FBXL17: variants seen among roughly 807,000 people sequenced by gnomAD.
FBXL17 encodes F-box and leucine rich repeat protein 17.
Under a neutral mutation model 66.2 loss-of-function variants are expected in FBXL17, and 22 were observed. The ratio of observed to expected loss-of-function variants is 0.33; its 90% CI spans 0.24 to 0.47. The LOEUF (loss-of-function observed/expected upper bound fraction) is 0.47, where lower values mean the gene tolerates loss of function less well. Among genes scored for constraint, FBXL17 ranks in the 20% least tolerant of loss-of-function variants. FBXL17 has a pLI of 1.00. For synonymous variants in FBXL17, 474 were observed against 400.5 expected, an observed-to-expected ratio of 1.18 and a Z score of -2.19; for missense variants, 878 against 948.2, an observed-to-expected ratio of 0.93 and a Z score of 0.97.
At chr5:108,089,845 T>C (rs986128979) in intron 6 of FBXL17, among the ~76,000 whole-genome samples, 2 of 152,198 alleles carry the variant, frequency 1.3e-5, no homozygotes, top group African/African-American at 4.8e-5. Context: ...TGTTTTGTAT[T>C]GAGACAGGGT....
chr5:108,113,817 T>G (rs187771235), intron 6 of FBXL17, among the ~76,000 whole-genome samples: 1 of 152,292 alleles, frequency 6.6e-6, no homozygotes, highest in East Asian at 1.9e-4. Context: ...TAATCTGACA[T>G]AATCCCTAAA....
At chr5:108,009,642 T>A (rs1199769080) in intron 7 of FBXL17, among the ~76,000 whole-genome samples, 1 of 152,072 alleles carries the variant, frequency 6.6e-6, no homozygotes, top group Non-Finnish European at 1.5e-5. Context: ...TCTAGGTGAC[T>A]GAGTCTTTAC....
chr5:108,268,266 G>C (rs1757124114), intron 4 of FBXL17, among the ~76,000 whole-genome samples: 1 of 152,000 alleles, frequency 6.6e-6, no homozygotes, highest in African/African-American at 2.4e-5. Context: ...ACAAGAGGTA[G>C]GTAGGGATGT....
chr5:107,965,845 T>C (rs1323842644), intron 7 of FBXL17, among the ~76,000 whole-genome samples: 1 of 152,102 alleles, frequency 6.6e-6, no homozygotes, highest in Non-Finnish European at 1.5e-5. Flanking sequence ...AATACAAATA[T>C]GAATTACACA....
chr5:108,025,573 T>C (rs1183683312), intron 6 of FBXL17, among the ~76,000 whole-genome samples: 1 of 152,064 alleles, frequency 6.6e-6, no homozygotes, highest in South Asian at 2.1e-4. Context: ...TTTGGGGTTT[T>C]AGAAATAGAA....
chr5:108,035,356 T>G (rs1247775133), intron 6 of FBXL17, among the ~76,000 whole-genome samples: 1 of 151,518 alleles, frequency 6.6e-6, no homozygotes, highest in Non-Finnish European at 1.5e-5. Context: ...AAGAATTTTT[T>G]GTTCGTTTGT....
intron 7 of FBXL17, among the ~76,000 whole-genome samples, chr5:107,999,329 G>GCTAA (rs1753615634): frequency 6.6e-6 from 1 of 151,952 alleles, no homozygotes; most frequent in Non-Finnish European, 1.5e-5. Flanking sequence ...CCATATCTTA[G>GCTAA]GCACTAGCCA....
intron 7 of FBXL17, among the ~76,000 whole-genome samples, chr5:107,955,884 A>G (rs1210256357): frequency 6.6e-6 from 1 of 152,204 alleles, no homozygotes. Context: ...ATACTAATAG[A>G]TATCAATCTC....
chr5:108,159,227 C>T (rs181908846), intron 6 of FBXL17, among the ~76,000 whole-genome samples: 5 of 152,258 alleles, frequency 3.3e-5, no homozygotes. Context: ...AACGACTTTC[C>T]TTTCGCTTTT....
intron 6 of FBXL17, among the ~76,000 whole-genome samples, chr5:108,063,484 G>C (rs1040979393): frequency 8.5e-5 from 13 of 152,242 alleles, no homozygotes; most frequent in African/African-American, 3.1e-4. Flanking sequence ...AACCAGAACT[G>C]TCAATCTCTC....
chr5:108,134,019 A>G (rs185820738), intron 6 of FBXL17, among the ~76,000 whole-genome samples: 41 of 152,234 alleles, frequency 2.7e-4, no homozygotes, highest in Non-Finnish European at 5.1e-4. Context: ...GTAAGGTTAA[A>G]CATTGGCTGT....
At chr5:108,043,700 T>C (rs770010252) in intron 6 of FBXL17, among the ~76,000 whole-genome samples, 2 of 152,206 alleles carry the variant, frequency 1.3e-5, no homozygotes, top group Non-Finnish European at 2.9e-5. Context: ...TGTTTAGTTC[T>C]TTTGACTTTC....
At chr5:108,356,363 T>C (rs1180802324) in intron 3 of FBXL17, among the ~76,000 whole-genome samples, 2 of 152,132 alleles carry the variant, frequency 1.3e-5, no homozygotes, top group African/African-American at 2.4e-5. Flanking sequence ...ATTATGCCCA[T>C]GCAAAAACCT....
intron 6 of FBXL17, among the ~76,000 whole-genome samples, chr5:108,161,450 C>A (rs1580535315): frequency 6.6e-6 from 1 of 152,086 alleles, no homozygotes; most frequent in South Asian, 2.1e-4. Flanking sequence ...CGTGCCACTG[C>A]ACTCCAGCCT....
At chr5:108,137,012 C>T (rs1751161473) in intron 6 of FBXL17, among the ~76,000 whole-genome samples, 2 of 152,082 alleles carry the variant, frequency 1.3e-5, no homozygotes, top group Non-Finnish European at 2.9e-5. Context: ...ATAACATCAT[C>T]CAATCTTTCA....
intron 4 of FBXL17, among the ~76,000 whole-genome samples, chr5:108,323,632 T>C (rs570650346): frequency 3.3e-5 from 5 of 152,042 alleles, no homozygotes; most frequent in Admixed American, 6.6e-5. Flanking sequence ...GGACCACAAA[T>C]AGCCAAAACA....
chr5:108,367,312 A>G (rs1174232583), intron 2 of FBXL17, among the ~76,000 whole-genome samples: 3 of 152,066 alleles, frequency 2.0e-5, no homozygotes, highest in Non-Finnish European at 4.4e-5. Flanking sequence ...GGAAGAGTAG[A>G]AAGTCCACCA....
In FBXL17 at chr5:108,120,770, T is replaced by C. The variant is rs185985969; in HGVS notation, c.1745+65347A>G. On this transcript the variant is annotated intron_variant, in intron 6 of 8. Transcript: ENST00000542267. ...ATTCTTTGAGCCCAGGAGTTCGAGG[T>C]TGCAGACAGCTAGGAGGCAGAGCAA... 2.4e-3 allele frequency among the ~76,000 whole-genome samples: 359 copies of C among 152,174 alleles called. 1 individual carries two copies. Among genetic ancestry groups the C allele is most frequent in the African/African-American group, 8.4e-3 (350 of 41,544 alleles).
intron 5 of FBXL17, among the ~76,000 whole-genome samples, chr5:108,193,506 G>C (rs1753554654): frequency 6.6e-6 from 1 of 152,196 alleles, no homozygotes; most frequent in South Asian, 2.1e-4. Context: ...TTCCATCCTT[G>C]AGAAGGTCTG....
Sources: gnomAD v4.1 joint callset for allele counts (sites outside exome capture counted in the v4.1 genomes callset) on GRCh38, gnomAD v4.1.1 for gene constraint, MANE v1.5 for transcripts, NCBI Gene and HGNC (gene_info 2026-07-23, HGNC 2026-07-21) for gene names.